The following SSH2 variants were observed in gnomAD, a reference collection of about 807,000 sequenced individuals.
The protein encoded by SSH2 is slingshot protein phosphatase 2.
In SSH2, 37 loss-of-function variants were observed where a neutral mutation model predicts 135.2. That is an observed-to-expected ratio of 0.27 (90% CI 0.21 to 0.36). The LOEUF is 0.36. Ranked by LOEUF, SSH2 falls within the 10% of genes least tolerant of loss-of-function variation. The pLI is 1.00. For missense variants in SSH2, 1,408 were observed against 1,765.3 expected (o/e 0.80, Z 3.63); for synonymous variants, 628 against 646.2 (o/e 0.97, Z 0.43).
At chr17:29,641,112 G>A (rs1415790541) in intron 14 of SSH2, among the ~76,000 whole-genome samples, 1 of 152,098 alleles carries the variant, frequency 6.6e-6, no homozygotes, top group Non-Finnish European at 1.5e-5. Flanking sequence ...GTATCACCAT[G>A]TTGGACCAGG....
chr17:29,820,942 G>GT, intron 2 of SSH2, among the ~76,000 whole-genome samples: 1 of 152,142 alleles, frequency 6.6e-6, no homozygotes, highest in African/African-American at 2.4e-5. Context: ...GGAATCAACC[G>GT]TAAGAACTCC....
At chr17:29,923,744 T>TA (rs781581927) in intron 1 of SSH2, among the ~76,000 whole-genome samples, 2 of 152,084 alleles carry the variant, frequency 1.3e-5, no homozygotes, top group Non-Finnish European at 2.9e-5. Flanking sequence ...CTCACACCTG[T>TA]AAGCCTGTAA....
In SSH2 at chr17:29,676,901, A is replaced by C. The variant is rs1256266713; in HGVS notation, c.549-16T>G. On this transcript the variant is annotated splice_polypyrimidine_tract_variant and intron_variant, in intron 7 of 15. Coordinates refer to ENST00000540801, the MANE Select transcript of SSH2 (RefSeq NM_001282129.2). ...ACTGAACCCACTAAGGACAAATGAGAACAAGACAAAAATCCACAAATTAGG... is the reference window on the plus strand; with the variant it reads ...ACTGAACCCACTAAGGACAAATGAGCACAAGACAAAAATCCACAAATTAGG... 2 of 1,611,042 alleles carry C rather than the reference A, an allele frequency of 1.2e-6. No homozygotes were observed. Among genetic ancestry groups the C allele is most frequent in the Non-Finnish European group, 1.7e-6 (2 of 1,177,696 alleles).
intron 11 of SSH2, among the ~76,000 whole-genome samples, chr17:29,659,792 T>C (rs112147628): frequency 0.014 from 2,128 of 152,182 alleles, 44 homozygotes; most frequent in African/African-American, 0.046. Flanking sequence ...CCTCCCAAAG[T>C]GCTGGGATTA....
intron 2 of SSH2, among the ~76,000 whole-genome samples, chr17:29,827,715 C>T (rs1430776794): frequency 6.7e-6 from 1 of 150,214 alleles, no homozygotes; most frequent in Non-Finnish European, 1.5e-5. Flanking sequence ...CTTTTTGAAG[C>T]TGGAAAGGAC....
intron 3 of SSH2, among the ~76,000 whole-genome samples, chr17:29,769,314 A>G (rs1567962623): frequency 6.6e-6 from 1 of 151,708 alleles, no homozygotes; most frequent in East Asian, 1.9e-4. Context: ...GGGAGAAAGA[A>G]CTCTTGGGGA....
chr17:29,701,225 C>T (rs975260604), intron 4 of SSH2, among the ~76,000 whole-genome samples: 5 of 152,090 alleles, frequency 3.3e-5, no homozygotes, highest in Non-Finnish European at 7.4e-5. Context: ...CCCGTCTCAG[C>T]CTCCCAAAGT....
intron 2 of SSH2, chr17:29,838,834 T>C: frequency 5.5e-6 from 1 of 180,708 alleles, no homozygotes; most frequent in Non-Finnish European, 1.1e-5. Flanking sequence ...TACCTCACTC[T>C]TCCTGGACAC....
intron 2 of SSH2, among the ~76,000 whole-genome samples, chr17:29,820,875 C>A (rs2042639561): frequency 6.6e-6 from 1 of 152,102 alleles, no homozygotes; most frequent in Non-Finnish European, 1.5e-5. Context: ...CCCTTGTCAC[C>A]TCTCTCTTCC....
At position 29,626,299 on chromosome 17, in the gene SSH2, AAAAGT is replaced by A. The variant is rs982236456; in HGVS notation, c.*4537_*4541del. 2 of 152,172 alleles carry A rather than the reference AAAAGT, an allele frequency of 1.3e-5. No homozygotes were observed. The highest frequency in any genetic ancestry group is 2.9e-5 in the Non-Finnish European group (2 of 67,956). 9.4% of individuals were successfully genotyped at this position (152,172 alleles called of 1,614,324 possible). On this transcript the variant is annotated 3_prime_UTR_variant, in exon 16 of 16. Transcript: ENST00000540801. ...AGCAGAAAGAAAAAAAAAAAAAAAGAAAAGTAAAGGCACCTTTAGATATGCCAAGC... is the reference window on the plus strand; with the variant it reads ...AGCAGAAAGAAAAAAAAAAAAAAAGAAAAGGCACCTTTAGATATGCCAAGC...
At chr17:29,670,696 C>T (rs1226876366) in intron 9 of SSH2, among the ~76,000 whole-genome samples, 4 of 152,180 alleles carry the variant, frequency 2.6e-5, no homozygotes, top group African/African-American at 9.7e-5. Context: ...ATTGCTTGAA[C>T]CCGGGAGGCA....
intron 3 of SSH2, among the ~76,000 whole-genome samples, chr17:29,704,286 C>T (rs914732465): frequency 1.3e-5 from 2 of 152,194 alleles, no homozygotes; most frequent in African/African-American, 2.4e-5. Context: ...CTACTGCCAA[C>T]TTGTATCCCC....
intron 3 of SSH2, among the ~76,000 whole-genome samples, chr17:29,779,810 CAAAAAAAAAAAA>C (rs56789691): frequency 0.019 from 370 of 19,604 alleles, 3 homozygotes; most frequent in Admixed American, 0.029. Context: ...GACTCTGTCT[CAAAAAAAAAAAA>C]AAAAAAAAAA....
chr17:29,726,115 C>T (rs1481098145), intron 3 of SSH2, among the ~76,000 whole-genome samples: 1 of 152,148 alleles, frequency 6.6e-6, no homozygotes, highest in Non-Finnish European at 1.5e-5. Flanking sequence ...ATAAAACAAA[C>T]ACACTAACCG....
rs139016718 is a variant in SSH2 at position 29,632,301 on chromosome 17, T to A, written c.2893A>T (p.Ser965Cys). 1 of 1,613,994 alleles carries A rather than the reference T, an allele frequency of 6.2e-7. No individual in the cohort carries two copies. Residue 965 changes from serine (S) to cysteine (C), a missense_variant, in exon 16 of 16, where the codon AGT (serine) becomes TGT (cysteine). Physicochemically the swap from Ser to Cys is moderately radical, Grantham distance 112. Transcript: ENST00000540801. ...GACAGTGAGCCAGCCTCAGACCCAC[T>A]GTATTTCCCTTTGCCTTTGCTCATT... ...PEMSKGKGKY[S>C]GSEAGSLSHS...
At chr17:29,696,740 G>A (rs1285498575) in intron 4 of SSH2, among the ~76,000 whole-genome samples, 1 of 150,422 alleles carries the variant, frequency 6.6e-6, no homozygotes, top group Non-Finnish European at 1.5e-5. Context: ...AGGCTGGAGT[G>A]CAGTGGTGCG....
chr17:29,826,896 T>G (rs755091078), intron 2 of SSH2, among the ~76,000 whole-genome samples: 1 of 152,118 alleles, frequency 6.6e-6, no homozygotes, highest in Non-Finnish European at 1.5e-5. Context: ...CAGAATCAGA[T>G]GGAGTAAAGT....
intron 2 of SSH2, among the ~76,000 whole-genome samples, chr17:29,820,673 T>C (rs1254650165): frequency 6.6e-6 from 1 of 152,196 alleles, no homozygotes; most frequent in African/African-American, 2.4e-5. Context: ...ATCATCTGTT[T>C]ACAGAATAAA....
intron 1 of SSH2, chr17:29,925,345 C>T: frequency 2.6e-6 from 1 of 391,380 alleles, no homozygotes; most frequent in Non-Finnish European, 4.5e-6. Flanking sequence ...TACAAAGTTT[C>T]CATTAGACAG....
Sources: gnomAD v4.1 joint callset for allele counts (sites outside exome capture counted in the v4.1 genomes callset) on GRCh38, gnomAD v4.1.1 for gene constraint, MANE v1.5 for transcripts, NCBI Gene and HGNC (gene_info 2026-07-23, HGNC 2026-07-21) for gene names.